Variants in CNTN4 observed in about 807,000 individuals in gnomAD.
CNTN4 encodes the protein contactin 4.
A neutral mutation model predicts 122.5 loss-of-function variants in CNTN4; 77 were observed. The ratio of observed to expected loss-of-function variants is 0.63; its 90% CI spans 0.52 to 0.76. The LOEUF (loss-of-function observed/expected upper bound fraction) is 0.76. Ranked by LOEUF, CNTN4 falls within the 30% of genes least tolerant of loss-of-function variation. The probability of loss-of-function intolerance (pLI) is 0.00; values close to 1 mark genes in which losing one functional copy is unlikely to be tolerated. For synonymous variants in CNTN4, 512 were observed against 447.0 expected (o/e 1.15, Z -1.83); for missense variants, 1,256 against 1,259.1 (o/e 1.00, Z 0.04).
chr3:2,701,446 G>GT (rs2086352883), intron 4 of CNTN4, among the ~76,000 whole-genome samples: 2 of 152,302 alleles, frequency 1.3e-5, no homozygotes, highest in Admixed American at 6.5e-5. Flanking sequence ...AAATGCAGTG[G>GT]TTTTCCCCCC....
intron 6 of CNTN4, among the ~76,000 whole-genome samples, chr3:2,765,544 A>G (rs2090817099): frequency 6.6e-6 from 1 of 152,216 alleles, no homozygotes; most frequent in Non-Finnish European, 1.5e-5. Flanking sequence ...CTGCTCTACT[A>G]GCCTGCTGTG....
At position 2,794,709 on chromosome 3, in the gene CNTN4, C is replaced by T. The variant is rs190412489; in HGVS notation, c.359-24777C>T. Among the ~76,000 whole-genome samples, 796 of 152,306 alleles carry T rather than the reference C, an allele frequency of 5.2e-3. 2 individuals carry two copies. The highest frequency in any genetic ancestry group is 0.01 in the Middle Eastern group (3 of 294). ...TCCATTCTGTTTAGGCTGCTGTAAG[C>T]TGCCATTGACTGTGGGCTTACAAAG... On this transcript the variant is annotated intron_variant, in intron 6 of 24. Transcript: ENST00000418658.
chr3:2,772,672 T>C (rs147375489), intron 6 of CNTN4, among the ~76,000 whole-genome samples: 2 of 152,348 alleles, frequency 1.3e-5, no homozygotes, highest in African/African-American at 4.8e-5. Context: ...AAAACTAGAA[T>C]GTAAAGTCAC....
At chr3:2,299,627 T>C (rs1575310239) in intron 2 of CNTN4, among the ~76,000 whole-genome samples, 1 of 152,100 alleles carries the variant, frequency 6.6e-6, no homozygotes, top group South Asian at 2.1e-4. Context: ...ATTTTAGGGT[T>C]AACATTCATA....
At chr3:2,267,460 A>C (rs1364018698) in intron 2 of CNTN4, among the ~76,000 whole-genome samples, 2 of 152,134 alleles carry the variant, frequency 1.3e-5, no homozygotes, top group Non-Finnish European at 2.9e-5. Flanking sequence ...GGAATATTTG[A>C]ATTGCATCCC....
rs533660859 is a variant in CNTN4, at chr3:2,473,040, C to T, written c.-88-98376C>T. Among the ~76,000 whole-genome samples, 12 of 152,016 alleles carry T rather than the reference C, an allele frequency of 7.9e-5. 1 individual carries two copies. In the South Asian group the frequency reaches 2.5e-3, roughly 32 times the overall value. Reference sequence around the variant, plus strand: ...CCTGAGGTCAGGAGTTTGAGACCAGCCTGGCCAACCTGGTGAAATTCCATC... The same window carrying T: ...CCTGAGGTCAGGAGTTTGAGACCAGTCTGGCCAACCTGGTGAAATTCCATC... On this transcript the variant is annotated intron_variant, in intron 3 of 24. Transcript: ENST00000418658.
intron 3 of CNTN4, among the ~76,000 whole-genome samples, chr3:2,514,369 G>A (rs1402693161): frequency 3.9e-5 from 6 of 152,066 alleles, no homozygotes; most frequent in Admixed American, 3.9e-4. Context: ...TGGGTGTGGT[G>A]GCACAGGCCT....
chr3:3,012,002 G>C (rs1379538033), intron 14 of CNTN4, among the ~76,000 whole-genome samples: 1 of 152,106 alleles, frequency 6.6e-6, no homozygotes, highest in Non-Finnish European at 1.5e-5. Context: ...TACAAGTTAA[G>C]AAACAAATTA....
chr3:2,574,501 A>T (rs2079570890), intron 4 of CNTN4, among the ~76,000 whole-genome samples: 1 of 152,154 alleles, frequency 6.6e-6, no homozygotes, highest in African/African-American at 2.4e-5. Context: ...ATTTATTAGT[A>T]CTTTATGGTA....
chr3:2,759,359 T>C (rs1385821372), intron 6 of CNTN4, among the ~76,000 whole-genome samples: 1 of 151,968 alleles, frequency 6.6e-6, no homozygotes, highest in Non-Finnish European at 1.5e-5. Context: ...TTTCACCATG[T>C]TGGTCTTGAA....
Position 2,182,829 on chromosome 3 carries a change from G to A in CNTN4, c.-145+82190G>A, listed in dbSNP as rs1467856215. 2.6e-5 allele frequency among the ~76,000 whole-genome samples: 4 copies of A among 151,388 alleles called. No individual in the cohort carries two copies. In the East Asian group the frequency reaches 7.7e-4, roughly 29 times the overall value. The stretch of plus-strand genomic sequence containing the variant: ...GAGATAAAGCCACCAACTCAGCACA[G>A]GTTTTTTTTTTTTTCTCCTGAATGG... On this transcript the variant is annotated intron_variant, in intron 2 of 24. Coordinates refer to ENST00000418658, the MANE Select transcript of CNTN4 (RefSeq NM_175607.3).
chr3:2,817,678 G>A (rs1396369637), intron 6 of CNTN4, among the ~76,000 whole-genome samples: 4 of 151,996 alleles, frequency 2.6e-5, no homozygotes, highest in African/African-American at 4.8e-5. Flanking sequence ...TAGATGATAC[G>A]TGATCTCTAC....
At chr3:2,122,247 C>CCTTTT (rs2033849600) in intron 2 of CNTN4, among the ~76,000 whole-genome samples, 1 of 151,926 alleles carries the variant, frequency 6.6e-6, no homozygotes, top group Non-Finnish European at 1.5e-5. Context: ...AAACTGTTTG[C>CCTTTT]CTTTTGTCAC....
chr3:2,295,894 A>G (rs2042293983), intron 2 of CNTN4, among the ~76,000 whole-genome samples: 1 of 152,206 alleles, frequency 6.6e-6, no homozygotes, highest in Non-Finnish European at 1.5e-5. Context: ...CTTTCTACAT[A>G]TGACTAGCCA....
intron 4 of CNTN4, among the ~76,000 whole-genome samples, chr3:2,705,869 A>C (rs1202625905): frequency 1.3e-5 from 1 of 78,814 alleles, no homozygotes; most frequent in Non-Finnish European, 2.1e-5. Context: ...GTTTATATAT[A>C]ATATATATTT....
At chr3:2,167,401 T>C (rs1025359529) in intron 2 of CNTN4, among the ~76,000 whole-genome samples, 2 of 152,078 alleles carry the variant, frequency 1.3e-5, no homozygotes, top group African/African-American at 4.8e-5. Flanking sequence ...TAATAAATAA[T>C]TAGATGGCAC....
At chr3:3,053,347 C>G (rs1701457086) in intron 23 of CNTN4, among the ~76,000 whole-genome samples, 1 of 152,200 alleles carries the variant, frequency 6.6e-6, no homozygotes, top group South Asian at 2.1e-4. Context: ...CTTGTGCAAT[C>G]TTGAAAACAC....
At chr3:2,998,281 C>A (rs1238409055) in intron 14 of CNTN4, among the ~76,000 whole-genome samples, 1 of 152,118 alleles carries the variant, frequency 6.6e-6, no homozygotes, top group Non-Finnish European at 1.5e-5. Context: ...AGGGAATAGT[C>A]AAAAGGTACA....
chr3:2,741,219 G>A (rs528549261), intron 5 of CNTN4, among the ~76,000 whole-genome samples: 4 of 152,320 alleles, frequency 2.6e-5, no homozygotes, highest in African/African-American at 7.2e-5. Context: ...AGATGTGGAC[G>A]TAGTTGGAGT....
Sources: gnomAD v4.1 joint callset for allele counts (sites outside exome capture counted in the v4.1 genomes callset) on GRCh38, gnomAD v4.1.1 for gene constraint, MANE v1.5 for transcripts, NCBI Gene and HGNC (gene_info 2026-07-23, HGNC 2026-07-21) for gene names.